PLCB1: variants seen among roughly 807,000 people sequenced by gnomAD.
PLCB1 encodes 1-phosphatidylinositol 4,5-bisphosphate phosphodiesterase beta-1.
Under a neutral mutation model 161.8 loss-of-function variants are expected in PLCB1, and 46 were observed. The ratio of observed to expected loss-of-function variants is 0.28; its 90% CI spans 0.22 to 0.36. PLCB1 has a LOEUF of 0.36. Ranked by LOEUF, PLCB1 falls within the 10% of genes least tolerant of loss-of-function variation. The pLI is 1.00. For missense variants in PLCB1, 1,016 were observed against 1,472.5 expected (o/e 0.69, Z 5.07); for synonymous variants, 517 against 503.7 (o/e 1.03, Z -0.35).
chr20:8,837,973 C>T (rs1270070402), intron 31 of PLCB1, among the ~76,000 whole-genome samples: 1 of 152,052 alleles, frequency 6.6e-6, no homozygotes, highest in Non-Finnish European at 1.5e-5. Context: ...AGAACCATGG[C>T]ACTGGCCAGT....
chr20:8,357,586 C>T (rs981478584), intron 2 of PLCB1, among the ~76,000 whole-genome samples: 11 of 151,520 alleles, frequency 7.3e-5, no homozygotes, highest in East Asian at 1.9e-4. Flanking sequence ...GGGGGCCGAG[C>T]GAGGAGGATC....
At chr20:8,881,358 T>C (rs12481367) in intron 31 of PLCB1, among the ~76,000 whole-genome samples, 36 of 150,578 alleles carry the variant, frequency 2.4e-4, no homozygotes, top group South Asian at 6.4e-4. Flanking sequence ...TGTGTGTGTG[T>C]GCATTTGTAG....
intron 3 of PLCB1, among the ~76,000 whole-genome samples, chr20:8,582,816 T>C (rs1282427376): frequency 1.3e-5 from 2 of 151,944 alleles, no homozygotes; most frequent in Non-Finnish European, 2.9e-5. Context: ...GGTGAGACTC[T>C]TTCTCTACTA....
At chr20:8,233,710 C>T (rs920894211) in intron 2 of PLCB1, among the ~76,000 whole-genome samples, 4 of 152,092 alleles carry the variant, frequency 2.6e-5, no homozygotes, top group African/African-American at 7.2e-5. Flanking sequence ...CCCCTAACTG[C>T]ACCCTCCTCC....
At chr20:8,753,751 G>A (rs918231772) in intron 23 of PLCB1, among the ~76,000 whole-genome samples, 2 of 152,220 alleles carry the variant, frequency 1.3e-5, no homozygotes, top group African/African-American at 4.8e-5. Context: ...GAAACTGGGA[G>A]AGTTCACTCA....
chr20:8,314,457 C>G (rs2122134531), intron 2 of PLCB1, among the ~76,000 whole-genome samples: 1 of 152,268 alleles, frequency 6.6e-6, no homozygotes, highest in African/African-American at 2.4e-5. Flanking sequence ...CAGTATTATG[C>G]CCACAGAAGG....
chr20:8,824,357 A>G (rs769327169), intron 31 of PLCB1, among the ~76,000 whole-genome samples: 1 of 152,174 alleles, frequency 6.6e-6, no homozygotes, highest in Admixed American at 6.5e-5. Context: ...TTTCATGGTA[A>G]ATCCTGAGAT....
intron 3 of PLCB1, among the ~76,000 whole-genome samples, chr20:8,564,640 A>G (rs1337755561): frequency 6.6e-6 from 1 of 152,146 alleles, no homozygotes; most frequent in Non-Finnish European, 1.5e-5. Flanking sequence ...AATTTACAAG[A>G]AAAAAACAAA....
At position 8,774,418 on chromosome 20, in the gene PLCB1, G is replaced by A. The variant is rs1277203182; in HGVS notation, c.2931-121G>A. 5.3e-6 allele frequency: 5 copies of A among 939,832 alleles called. No individual in the cohort carries two copies. In the East Asian group the frequency reaches 9.7e-5, roughly 18 times the overall value. 58.2% of individuals were successfully genotyped at this position (939,832 alleles called of 1,614,324 possible). A position where few individuals can be genotyped will look rare whatever the true frequency, so the allele number is the denominator to read the frequency against. On this transcript the variant is annotated intron_variant, in intron 26 of 31. Transcript: ENST00000338037. ...GGGGTCTCACCCTCTACCCCAAGTG[G>A]CTTATGAAAATATGTATTTCCAAAC... is the stretch of plus-strand genomic sequence containing the variant.
At chr20:8,421,380 C>T (rs535437291) in intron 3 of PLCB1, among the ~76,000 whole-genome samples, 3 of 152,146 alleles carry the variant, frequency 2.0e-5, no homozygotes, top group Non-Finnish European at 2.9e-5. Context: ...TTTTTTAAGA[C>T]AGTCAAACCC....
chr20:8,432,382 C>T (rs1336728008), intron 3 of PLCB1, among the ~76,000 whole-genome samples: 1 of 152,176 alleles, frequency 6.6e-6, no homozygotes, highest in Admixed American at 6.5e-5. Flanking sequence ...AGGACCTCTT[C>T]CCACCTGGCT....
chr20:8,528,094 A>C (rs1411654632), intron 3 of PLCB1, among the ~76,000 whole-genome samples: 1 of 152,092 alleles, frequency 6.6e-6, no homozygotes, highest in Non-Finnish European at 1.5e-5. Context: ...AAGAATAACT[A>C]CATTATGTAA....
chr20:8,415,384 C>A (rs73897473), intron 3 of PLCB1, among the ~76,000 whole-genome samples: 1 of 152,116 alleles, frequency 6.6e-6, no homozygotes, highest in Admixed American at 6.5e-5. Context: ...TATAAGTGTT[C>A]GAACTAGAAA....
chr20:8,728,926 C>A, intron 17 of PLCB1, 124 bp from the exon 18 acceptor site: 1 of 552,474 alleles, frequency 1.8e-6, no homozygotes, highest in Non-Finnish European at 2.9e-6. Flanking sequence ...CCCAAAGTAG[C>A]CCAACGAGAT....
intron 27 of PLCB1, among the ~76,000 whole-genome samples, chr20:8,782,257 A>G (rs1983279004): frequency 6.6e-6 from 1 of 152,170 alleles, no homozygotes; most frequent in Non-Finnish European, 1.5e-5. Flanking sequence ...CTCTGGGTAG[A>G]CAGGGCCCTC....
intron 2 of PLCB1, among the ~76,000 whole-genome samples, chr20:8,333,622 G>A (rs1454095176): frequency 6.6e-6 from 1 of 152,098 alleles, no homozygotes; most frequent in African/African-American, 2.4e-5. Flanking sequence ...CAGCTTCCTA[G>A]AATGCACAGG....
chr20:8,805,087 G>A (rs1984471112), intron 31 of PLCB1, among the ~76,000 whole-genome samples: 1 of 149,674 alleles, frequency 6.7e-6, no homozygotes, highest in African/African-American at 2.4e-5. Flanking sequence ...TTTCTATTAT[G>A]ATAGAAGATT....
intron 9 of PLCB1, among the ~76,000 whole-genome samples, chr20:8,676,619 C>T (rs925501128): frequency 6.6e-6 from 1 of 152,050 alleles, no homozygotes; most frequent in South Asian, 2.1e-4. Flanking sequence ...AGAGGAAAGA[C>T]CTAAAGATAT....
At chr20:8,577,286 A>T (rs1422219502) in intron 3 of PLCB1, among the ~76,000 whole-genome samples, 6 of 151,312 alleles carry the variant, frequency 4.0e-5, no homozygotes, top group Non-Finnish European at 7.4e-5. Flanking sequence ...AAAAAAAAAA[A>T]AATTAGCTGG....
Sources: gnomAD v4.1 joint callset for allele counts (sites outside exome capture counted in the v4.1 genomes callset) on GRCh38, gnomAD v4.1.1 for gene constraint, MANE v1.5 for transcripts, NCBI Gene and HGNC (gene_info 2026-07-23, HGNC 2026-07-21) for gene names.